The following OPA1 variants were observed in gnomAD, a reference collection of about 807,000 sequenced individuals.
OPA1 encodes dynamin-like GTPase OPA1, mitochondrial.
Under a neutral mutation model 152.9 loss-of-function variants are expected in OPA1, and 59 were observed. The observed-to-expected ratio is 0.39, with a 90% CI of 0.31 to 0.48. OPA1 has a LOEUF of 0.48. Among genes scored for constraint, OPA1 ranks in the 20% least tolerant of loss-of-function variants. The pLI, the probability that OPA1 is intolerant of heterozygous loss-of-function variation, is 0.96. For missense variants in OPA1, 1,008 were observed against 1,216.8 expected (o/e 0.83, Z 2.55); for synonymous variants, 400 against 389.9 (o/e 1.03, Z -0.31).
At chr3:193,678,243 AT>A (rs1329614052) in intron 29 of OPA1, among the ~76,000 whole-genome samples, 2 of 151,990 alleles carry the variant, frequency 1.3e-5, no homozygotes, top group Non-Finnish European at 2.9e-5. Context: ...GCACTGCTTC[AT>A]AGACTGTGTC....
In OPA1 at chr3:193,643,023, AAAG is replaced by A; in HGVS notation, c.1283_1285del (p.Glu428del). On this transcript the variant is annotated inframe_deletion, in exon 13 of 31. Transcript: ENST00000361510. ...AGAACTTCGAATGAGGAAAAATGTG[AAAG>A]AAGGCTGTACCGTTAGCCCTGAGGT... is the stretch of plus-strand genomic sequence containing the variant. The A allele has an allele frequency of 1.2e-6, 2 of 1,613,868 alleles. No homozygotes were observed. The highest frequency in any genetic ancestry group is 1.7e-5 in the Admixed American group (1 of 60,028).
chr3:193,654,922 C>G lies in OPA1; in HGVS notation c.2073C>G (p.Ile691Met). ...TATCAACTCATGTGATTGAAAACATCTACCTTCCAGCTGCGCAGACCATGA... is the reference window on the plus strand; with the variant it reads ...TATCAACTCATGTGATTGAAAACATGTACCTTCCAGCTGCGCAGACCATGA... ...ERVSTHVIEN[I>M]YLPAAQTMNS... Residue 691 changes from isoleucine to methionine, a missense_variant, in exon 22 of 31, where the codon ATC (isoleucine) becomes ATG (methionine). Coordinates refer to ENST00000361510, the MANE Select transcript of OPA1 (RefSeq NM_130837.3). The G allele has an allele frequency of 6.2e-7, 1 of 1,613,910 alleles. No homozygotes were observed. The highest frequency in any genetic ancestry group is 8.5e-7 in the Non-Finnish European group (1 of 1,179,904).
At chr3:193,681,978 A>T (rs1720215547) in intron 29 of OPA1, among the ~76,000 whole-genome samples, 1 of 152,212 alleles carries the variant, frequency 6.6e-6, no homozygotes, top group Non-Finnish European at 1.5e-5. Flanking sequence ...AGAGTGCCAT[A>T]TTTCACTTTA....
Position 193,645,159 on chromosome 3 carries a change from A to G in OPA1, c.1609-394A>G, listed in dbSNP as rs80115727. Among the ~76,000 whole-genome samples the G allele has an allele frequency of 2.8e-3, 426 of 152,292 alleles. 3 individuals carry two copies. Among genetic ancestry groups the G allele is most frequent in the African/African-American group, 9.6e-3 (400 of 41,568 alleles). ...TATTTGAAGAAAGTATGGAAAAATAATAATAGCTACCATTTATTGAGTGCT... is the reference window on the plus strand; with the variant it reads ...TATTTGAAGAAAGTATGGAAAAATAGTAATAGCTACCATTTATTGAGTGCT... On this transcript the variant is annotated intron_variant, in intron 16 of 30. Coordinates refer to ENST00000361510, the MANE Select transcript of OPA1 (RefSeq NM_130837.3).
rs192050514 is a variant in OPA1, at chr3:193,667,815, T to C, written c.2983+535T>C. Among the ~76,000 whole-genome samples the C allele has an allele frequency of 4.6e-5, 7 of 152,294 alleles. No individual in the cohort carries two copies. The East Asian group carries it at 1.3e-3, about 29-fold the overall frequency. On this transcript the variant is annotated intron_variant, in intron 29 of 30. Coordinates refer to ENST00000361510, the MANE Select transcript of OPA1 (RefSeq NM_130837.3). ...CAGATTTTCTCATAGCAACCGAACA[T>C]TGATAAATTACAATATCTAATTCTC...
intron 18 of OPA1, chr3:193,646,694 G>T (rs7621979): frequency 0.42 from 65,598 of 154,998 alleles, 14,177 homozygotes; most frequent in Non-Finnish European, 0.43. Context: ...AACCCCGAGG[G>T]GGTGGGGGGC....
intron 7 of OPA1, among the ~76,000 whole-genome samples, chr3:193,630,929 ATTTTTG>A (rs1731981350): frequency 1.3e-5 from 2 of 152,106 alleles, no homozygotes; most frequent in African/African-American, 4.8e-5. Context: ...TGTGAGTTTT[ATTTTTG>A]TTTTATATTG....
At chr3:193,668,689 TGTAACCCAGGTCAGGCATTAA>T in intron 29 of OPA1, 1 of 1,403,502 alleles carries the variant, frequency 7.1e-7, no homozygotes, top group Non-Finnish European at 9.4e-7. Context: ...GTGAACCCAT[TGTAACCCAGGTCAGGCATTAA>T]CACCTGCAGT....
intron 1 of OPA1, among the ~76,000 whole-genome samples, chr3:193,609,940 G>C (rs957758324): frequency 2.0e-5 from 1 of 49,932 alleles, no homozygotes; most frequent in African/African-American, 7.1e-5. Flanking sequence ...GCCGTTCGTC[G>C]AATTTTTTTC....
Position 193,643,982 on chromosome 3 carries a change from T to C in OPA1, c.1485T>C (p.Ser495=), listed in dbSNP as rs1260397873. The change falls in exon 16 of 31, where the codon TCT becomes TCC. Residue 495 remains serine, a synonymous_variant. Coordinates refer to ENST00000361510, the MANE Select transcript of OPA1 (RefSeq NM_130837.3). The stretch of plus-strand genomic sequence containing the variant: ...TTTTTTTATTTTTTTCAGATGGATC[T>C]GTGGATGCTGAACGCAGTATTGTTA... ...NAIILCIQDG[S]VDAERSIVTD... 1.2e-6 allele frequency: 2 copies of C among 1,613,758 alleles called. No individual in the cohort carries two copies. The highest frequency in any genetic ancestry group is 1.7e-6 in the Non-Finnish European group (2 of 1,179,750).
chr3:193,644,399 G>A (rs998186204), intron 16 of OPA1, among the ~76,000 whole-genome samples: 5 of 152,144 alleles, frequency 3.3e-5, no homozygotes, highest in African/African-American at 1.2e-4. Context: ...GGTTTTCATC[G>A]GAGGTTAGTC....
chr3:193,642,915 A>G, intron 12 of OPA1, 60 bp from the exon 13 acceptor site: 1 of 1,576,058 alleles, frequency 6.3e-7, no homozygotes, highest in Non-Finnish European at 8.7e-7. Context: ...AAGACAGTTA[A>G]AGAATATTTG....
intron 11 of OPA1, among the ~76,000 whole-genome samples, chr3:193,641,516 C>T (rs1733781844): frequency 6.6e-6 from 1 of 152,120 alleles, no homozygotes; most frequent in Admixed American, 6.6e-5. Context: ...ATTGTGGCAC[C>T]TTAAGACGTG....
intron 2 of OPA1, 67 bp downstream of exon 2, chr3:193,615,108 ATTTTTGTGTAGTGGAATACAATTGGATG>A: frequency 7.9e-7 from 1 of 1,257,916 alleles, no homozygotes; most frequent in Non-Finnish European, 1.2e-6. Context: ...AGCATAAATC[ATTTTTGTGTAGTGGAATACAATTGGATG>A]TTTAAACATT....
chr3:193,684,411 T>C (rs1720639131), intron 29 of OPA1, among the ~76,000 whole-genome samples: 1 of 150,720 alleles, frequency 6.6e-6, no homozygotes, highest in Admixed American at 6.6e-5. Flanking sequence ...GATTTTACAC[T>C]CATTGACATT....
intron 29 of OPA1, among the ~76,000 whole-genome samples, chr3:193,672,798 G>A (rs921763684): frequency 6.6e-5 from 10 of 150,468 alleles, no homozygotes; most frequent in African/African-American, 2.4e-4. Context: ...GAACCCGGGA[G>A]GCAGAGGTTG....
At chr3:193,615,626 T>C (rs1196481773) in intron 2 of OPA1, 48 bp from the exon 3 acceptor site, 1 of 996,236 alleles carries the variant, frequency 1.0e-6, no homozygotes, top group African/African-American at 1.6e-5. Context: ...CTTTACATGT[T>C]TATTTGGCAT....
intron 1 of OPA1, among the ~76,000 whole-genome samples, chr3:193,605,857 C>G (rs1727173320): frequency 1.3e-5 from 2 of 152,184 alleles, no homozygotes; most frequent in African/African-American, 4.8e-5. Context: ...ACCCCTGTCA[C>G]AGAAATGACC....
chr3:193,680,698 G>T (rs1323270642), intron 29 of OPA1, among the ~76,000 whole-genome samples: 1 of 152,156 alleles, frequency 6.6e-6, no homozygotes, highest in Non-Finnish European at 1.5e-5. Context: ...AAGAAAAGAT[G>T]AATTTTTAAA....
Sources: allele counts gnomAD v4.1 joint callset (sites outside exome capture counted in the v4.1 genomes callset), GRCh38; gene constraint gnomAD v4.1.1; transcripts MANE v1.5; gene names NCBI Gene and HGNC (gene_info 2026-07-23, HGNC 2026-07-21).